The following STAP1 variants were observed in gnomAD, a reference collection of about 807,000 sequenced individuals.
The protein encoded by STAP1 is signal transducing adaptor family member 1, also known as signal-transducing adaptor protein 1.
STAP1 carries 30 observed loss-of-function variants against 37.8 expected under a neutral mutation model. That is an observed-to-expected ratio of 0.79 (90% confidence interval 0.59 to 1.08). The LOEUF (loss-of-function observed/expected upper bound fraction) is 1.08, where lower values mean the gene tolerates loss of function less well. STAP1 is among the 50% of genes least tolerant of loss of function. The pLI, the probability that STAP1 is intolerant of heterozygous loss-of-function variation, is 0.00. For missense variants in STAP1, 357 were observed against 349.4 expected, an observed-to-expected ratio of 1.02 and a Z score of -0.17; for synonymous variants, 130 against 116.0, an observed-to-expected ratio of 1.12 and a Z score of -0.78.
intron 3 of STAP1, among the ~76,000 whole-genome samples, chr4:67,575,945 T>C (rs1727710670): frequency 6.6e-6 from 1 of 152,176 alleles, no homozygotes; most frequent in Non-Finnish European, 1.5e-5. Flanking sequence ...ACTAAGGAGA[T>C]CGGACCCCCA....
intron 4 of STAP1, among the ~76,000 whole-genome samples, chr4:67,578,532 G>A (rs764708431): frequency 2.6e-5 from 4 of 151,770 alleles, no homozygotes; most frequent in Non-Finnish European, 5.9e-5. Flanking sequence ...CTGAGAGGGA[G>A]AGGAAGGAAT....
intron 7 of STAP1, 116 bp downstream of exon 7, chr4:67,591,069 G>T: frequency 1.9e-6 from 1 of 524,594 alleles, no homozygotes. Flanking sequence ...TATACAAGGT[G>T]AAAAGTGAGA....
intron 4 of STAP1, among the ~76,000 whole-genome samples, chr4:67,580,697 T>C (rs988816099): frequency 1.3e-5 from 2 of 152,214 alleles, no homozygotes; most frequent in South Asian, 4.1e-4. Context: ...GAAGGACATA[T>C]ATAGGTGAGT....
In STAP1 at chr4:67,583,621, A is replaced by G. The variant is rs755102314; in HGVS notation, c.578A>G (p.Lys193Arg). The G allele has an allele frequency of 2.5e-6, 4 of 1,614,090 alleles. No individual in the cohort carries two copies. Among genetic ancestry groups the G allele is most frequent in the Non-Finnish European group, 3.4e-6 (4 of 1,179,972 alleles). The change falls in exon 6 of 9, where the codon AAG (lysine) becomes AGG (arginine). Residue 193 changes from lysine (K) to arginine (R), a missense_variant. Coordinates refer to ENST00000265404, the MANE Select transcript of STAP1 (RefSeq NM_012108.4). Reference protein sequence around the residue: ...SRKEATEMLQKNPSLGNMILR... With the variant: ...SRKEATEMLQRNPSLGNMILR... ...AAAGAGGCAACTGAGATGCTCCAGA[A>G]GAACCCTTCTTTGGGAAATATGATC...
In STAP1 at chr4:67,577,651, C is replaced by CTTT. The variant is rs71219058; in HGVS notation, c.363+406_363+408dup. Among the ~76,000 whole-genome samples the CTTT allele has an allele frequency of 3.3e-5, 3 of 91,544 alleles. 1 individual carries two copies. Among genetic ancestry groups the CTTT allele is most frequent in the African/African-American group, 5.6e-5 (1 of 17,842 alleles). The allele number at this position is 91,544 out of a possible 152,430, so 60.1% of individuals were successfully genotyped here. A position where few individuals can be genotyped will look rare whatever the true frequency, so the allele number is the denominator to read the frequency against. Reference sequence around the variant, plus strand: ...TTTCTTTTCTTTTCTTTCTTTCTTTCTTTTTTTTTTTTTTTTGAGATGAGG... The same window carrying CTTT: ...TTTCTTTTCTTTTCTTTCTTTCTTTCTTTTTTTTTTTTTTTTTTTGAGATGAGG... On this transcript the variant is annotated intron_variant, in intron 4 of 8. Coordinates refer to ENST00000265404, the MANE Select transcript of STAP1 (RefSeq NM_012108.4).
chr4:67,599,249 C>A (rs897525189), intron 8 of STAP1, among the ~76,000 whole-genome samples: 1 of 152,030 alleles, frequency 6.6e-6, no homozygotes, highest in African/African-American at 2.4e-5. Flanking sequence ...GTATTTACTC[C>A]TCCTCTATTT....
At chr4:67,571,499 C>A (rs1560457813) in intron 2 of STAP1, among the ~76,000 whole-genome samples, 3 of 152,124 alleles carry the variant, frequency 2.0e-5, no homozygotes, top group African/African-American at 7.2e-5. Flanking sequence ...CACTTTTTAT[C>A]TTGCTGTAGC....
chr4:67,561,890 G>A (rs938964506), intron 1 of STAP1, among the ~76,000 whole-genome samples: 3 of 151,876 alleles, frequency 2.0e-5, no homozygotes, highest in African/African-American at 4.8e-5. Flanking sequence ...TGTTCAACAT[G>A]GCGAAACCCC....
At position 67,603,636 on chromosome 4, in the gene STAP1, G is replaced by C. The variant is rs1394681288; in HGVS notation, c.827-2660G>C. ...CTGAGTCCTTCCCTTCAAAGCAGTA[G>C]ATTCCCTTCTGGCCCAGGGCGTGTC... On this transcript the variant is annotated intron_variant, in intron 8 of 8. Transcript: ENST00000265404. Among the ~76,000 whole-genome samples, 3 of 152,114 alleles carry C rather than the reference G, an allele frequency of 2.0e-5. No homozygotes were observed. In the East Asian group the frequency reaches 5.8e-4, roughly 29 times the overall value.
rs568774035 is a variant in STAP1 at position 67,575,062 on chromosome 4, T to A, written c.193-323T>A. ...AATATAGAAATAGAATGTAACAAATTTTGTTTTAATTACCTTTGCTTTGAA... is the reference window on the plus strand; with the variant it reads ...AATATAGAAATAGAATGTAACAAATATTGTTTTAATTACCTTTGCTTTGAA... On this transcript the variant is annotated intron_variant, in intron 2 of 8. Transcript: ENST00000265404. Among the ~76,000 whole-genome samples, 96 of 152,280 alleles carry A rather than the reference T, an allele frequency of 6.3e-4. 1 individual carries two copies. The highest frequency in any genetic ancestry group is 1.3e-3 in the Non-Finnish European group (89 of 68,014).
At chr4:67,564,315 G>A (rs756093529) in intron 1 of STAP1, among the ~76,000 whole-genome samples, 3 of 151,932 alleles carry the variant, frequency 2.0e-5, no homozygotes, top group Non-Finnish European at 4.4e-5. Context: ...CTTTCCACAA[G>A]TATATACGTT....
intron 5 of STAP1, 22 bp from the exon 6 acceptor site, chr4:67,583,551 GT>G (rs144427229): frequency 1.3e-6 from 2 of 1,565,968 alleles, no homozygotes; most frequent in Non-Finnish European, 1.7e-6. Flanking sequence ...AAACAATTCT[GT>G]TTTTTTATCT....
chr4:67,582,806 T>G (rs1727893853), intron 5 of STAP1, among the ~76,000 whole-genome samples: 1 of 152,200 alleles, frequency 6.6e-6, no homozygotes, highest in African/African-American at 2.4e-5. Context: ...TTTTTCACTT[T>G]CAGTATTCAA....
intron 6 of STAP1, among the ~76,000 whole-genome samples, 168 bp from the exon 7 acceptor site, chr4:67,590,716 G>C (rs891529204): frequency 2.1e-5 from 3 of 145,498 alleles, no homozygotes; most frequent in African/African-American, 7.5e-5. Context: ...CTGCAAACCA[G>C]GTAAACAGAA....
chr4:67,569,145 A>T (rs1727542591), intron 1 of STAP1, among the ~76,000 whole-genome samples: 1 of 152,232 alleles, frequency 6.6e-6, no homozygotes, highest in Admixed American at 6.5e-5. Flanking sequence ...ATAGCATGTT[A>T]TTGTATTAAA....
intron 8 of STAP1, among the ~76,000 whole-genome samples, chr4:67,601,227 A>G (rs1261215055): frequency 6.6e-6 from 1 of 152,194 alleles, no homozygotes; most frequent in African/African-American, 2.4e-5. Context: ...TGACTGCAAA[A>G]ACAAGCAAAC....
intron 8 of STAP1, among the ~76,000 whole-genome samples, chr4:67,604,190 T>C (rs1316073273): frequency 4.6e-5 from 7 of 152,208 alleles, no homozygotes; most frequent in Non-Finnish European, 1.0e-4. Flanking sequence ...CACTGTCTAC[T>C]TCTTTTCCTA....
At chr4:67,584,100 A>T (rs1391677767) in intron 6 of STAP1, among the ~76,000 whole-genome samples, 1 of 66,106 alleles carries the variant, frequency 1.5e-5, no homozygotes, top group Non-Finnish European at 3.9e-5. Context: ...TCGGTCTCGA[A>T]AAAAAAAAAA....
intron 8 of STAP1, among the ~76,000 whole-genome samples, chr4:67,597,420 G>A (rs1174653060): frequency 2.0e-5 from 3 of 152,242 alleles, no homozygotes; most frequent in Admixed American, 6.5e-5. Flanking sequence ...GAGGGGAAAT[G>A]TAGGGTTAGA....
Sources: allele counts gnomAD v4.1 joint callset (sites outside exome capture counted in the v4.1 genomes callset), GRCh38; gene constraint gnomAD v4.1.1; transcripts MANE v1.5; gene names NCBI Gene and HGNC (gene_info 2026-07-23, HGNC 2026-07-21).